Variants in GABBR2 observed in about 807,000 individuals in gnomAD.
GABBR2 encodes G-protein coupled receptor 51.
Under a neutral mutation model 105.6 loss-of-function variants are expected in GABBR2, and 23 were observed. The ratio of observed to expected loss-of-function variants is 0.22; its 90% CI spans 0.16 to 0.31. The LOEUF (loss-of-function observed/expected upper bound fraction) is 0.31, where lower values mean the gene tolerates loss of function less well. Among genes scored for constraint, GABBR2 ranks in the 10% least tolerant of loss-of-function variants. The pLI is 1.00. For synonymous variants in GABBR2, 478 were observed against 499.7 expected (o/e 0.96, Z 0.58); for missense variants, 734 against 1,245.5 (o/e 0.59, Z 6.18).
chr9:98,620,223 A>T (rs2131820817), intron 1 of GABBR2, among the ~76,000 whole-genome samples: 1 of 148,170 alleles, frequency 6.7e-6, no homozygotes, highest in East Asian at 2.1e-4. Context: ...TTGTCTTTTC[A>T]CCAATCACTA....
chr9:98,487,852 G>A (rs1332397425), intron 4 of GABBR2, among the ~76,000 whole-genome samples: 1 of 152,156 alleles, frequency 6.6e-6, no homozygotes, highest in Non-Finnish European at 1.5e-5. Flanking sequence ...ACGTGGTAAA[G>A]GGAAAATTCA....
intron 1 of GABBR2, among the ~76,000 whole-genome samples, chr9:98,691,333 T>A (rs1277698693): frequency 6.6e-6 from 1 of 152,170 alleles, no homozygotes. Flanking sequence ...ACAGGGGGAA[T>A]GACAGGCTCG....
At chr9:98,673,234 G>A (rs764475751) in intron 1 of GABBR2, among the ~76,000 whole-genome samples, 6 of 152,174 alleles carry the variant, frequency 3.9e-5, no homozygotes, top group Admixed American at 3.3e-4. Flanking sequence ...TGCATATAGA[G>A]AGGCAAAAGG....
chr9:98,318,916 G>GTTT (rs147052831), intron 13 of GABBR2, among the ~76,000 whole-genome samples: 1 of 141,508 alleles, frequency 7.1e-6, no homozygotes, highest in Non-Finnish European at 1.6e-5. Flanking sequence ...TGTGTGTGTT[G>GTTT]GGGGTGTGTG....
chr9:98,648,116 T>TGTATAGATAGATAG, intron 1 of GABBR2, among the ~76,000 whole-genome samples: 191 of 55,948 alleles, frequency 3.4e-3, no homozygotes, highest in Middle Eastern at 0.011. Context: ...TGTGTGTGTG[T>TGTATAGATAGATAG]ATAGATAGAT....
chr9:98,290,281 T>TTTTTTTTTTTTTTTTTTTA lies in GABBR2; in HGVS notation c.*302_*303insTAAAAAAAAAAAAAAAAAA. 6.5e-6 allele frequency: 1 copy of TTTTTTTTTTTTTTTTTTTA among 154,828 alleles called. No individual in the cohort carries two copies. The highest frequency in any genetic ancestry group is 1.1e-5 in the Non-Finnish European group (1 of 88,678). 9.6% of individuals were successfully genotyped at this position (154,828 alleles called of 1,614,324 possible). A position where few individuals can be genotyped will look rare whatever the true frequency, so the allele number is the denominator to read the frequency against. On this transcript the variant is annotated 3_prime_UTR_variant, in exon 19 of 19. Transcript: ENST00000259455. ...GTCTAGTTTTTTTGTTTTTTTTTTT[T>TTTTTTTTTTTTTTTTTTTA]TTTTTTTTTTTTTGCAAGTTTGATA...
intron 3 of GABBR2, among the ~76,000 whole-genome samples, chr9:98,540,624 C>CTG (rs1828277340): frequency 6.6e-6 from 1 of 152,222 alleles, no homozygotes; most frequent in African/African-American, 2.4e-5. Flanking sequence ...TGGCAAGAGG[C>CTG]TGTGTGTCTG....
intron 3 of GABBR2, among the ~76,000 whole-genome samples, chr9:98,497,099 G>C (rs1189151280): frequency 6.6e-6 from 1 of 152,188 alleles, no homozygotes; most frequent in Non-Finnish European, 1.5e-5. Context: ...TAGCCTGTGT[G>C]GAAGGATATT....
intron 1 of GABBR2, among the ~76,000 whole-genome samples, chr9:98,619,463 T>C (rs1829638809): frequency 6.6e-6 from 1 of 152,260 alleles, no homozygotes; most frequent in South Asian, 2.1e-4. Context: ...TCTAAAATTC[T>C]ATTATTTTAA....
chr9:98,376,678 C>A (rs934391036), intron 11 of GABBR2, among the ~76,000 whole-genome samples: 4 of 152,166 alleles, frequency 2.6e-5, no homozygotes, highest in African/African-American at 9.7e-5. Flanking sequence ...TGAAGAGCAG[C>A]CTCTAGAAAC....
chr9:98,565,209 G>A (rs1249060146), intron 2 of GABBR2, among the ~76,000 whole-genome samples: 3 of 152,192 alleles, frequency 2.0e-5, no homozygotes, highest in East Asian at 3.9e-4. Context: ...GAAAGCTCTG[G>A]CGGAGATCAA....
At chr9:98,569,864 G>A (rs1158190846) in intron 2 of GABBR2, among the ~76,000 whole-genome samples, 2 of 152,158 alleles carry the variant, frequency 1.3e-5, no homozygotes, top group African/African-American at 2.4e-5. Context: ...ACAGCCTACA[G>A]TTTAATAAAA....
chr9:98,317,025 C>T (rs1419543427), intron 13 of GABBR2, among the ~76,000 whole-genome samples: 1 of 152,130 alleles, frequency 6.6e-6, no homozygotes, highest in Non-Finnish European at 1.5e-5. Flanking sequence ...TGGGTGTAAC[C>T]GGCTCTATAA....
chr9:98,392,362 C>T (rs1832196613), intron 9 of GABBR2, among the ~76,000 whole-genome samples: 1 of 152,222 alleles, frequency 6.6e-6, no homozygotes, highest in South Asian at 2.1e-4. Flanking sequence ...CTGATCTCCC[C>T]AGTCCGATAG....
chr9:98,631,322 T>C (rs1245900279), intron 1 of GABBR2, among the ~76,000 whole-genome samples: 2 of 152,210 alleles, frequency 1.3e-5, no homozygotes, highest in Non-Finnish European at 2.9e-5. Context: ...CTAACCTTCC[T>C]AAGCCTCAGT....
intron 1 of GABBR2, among the ~76,000 whole-genome samples, chr9:98,670,677 T>A (rs376374912): frequency 3.3e-5 from 5 of 152,240 alleles, no homozygotes; most frequent in African/African-American, 1.2e-4. Context: ...TGACATATGC[T>A]ACAACATGGA....
At chr9:98,334,522 GC>G (rs1831081340) in intron 13 of GABBR2, among the ~76,000 whole-genome samples, 2 of 152,180 alleles carry the variant, frequency 1.3e-5, no homozygotes, top group Non-Finnish European at 2.9e-5. Context: ...TGTGAACTTT[GC>G]CATGCTGTTG....
At chr9:98,520,584 G>A (rs999284277) in intron 3 of GABBR2, among the ~76,000 whole-genome samples, 5 of 152,228 alleles carry the variant, frequency 3.3e-5, no homozygotes, top group East Asian at 1.9e-4. Context: ...TGCTGCCCAC[G>A]TCTGCTGACT....
At chr9:98,486,617 C>T (rs983479625) in intron 4 of GABBR2, among the ~76,000 whole-genome samples, 2 of 152,162 alleles carry the variant, frequency 1.3e-5, no homozygotes, top group African/African-American at 2.4e-5. Context: ...AGCCTAGCCT[C>T]GCAGACTACC....
Sources: allele counts gnomAD v4.1 joint callset (sites outside exome capture counted in the v4.1 genomes callset), GRCh38; gene constraint gnomAD v4.1.1; transcripts MANE v1.5; gene names NCBI Gene and HGNC (gene_info 2026-07-23, HGNC 2026-07-21).